Variants in KIF16B observed in about 807,000 individuals in gnomAD.
KIF16B encodes kinesin-like protein KIF16B.
In KIF16B, 98 loss-of-function variants were observed where a neutral mutation model predicts 156.3. That is an observed-to-expected ratio of 0.63 (90% confidence interval 0.53 to 0.74). The LOEUF (loss-of-function observed/expected upper bound fraction) is 0.74, where lower values mean the gene tolerates loss of function less well. Among genes scored for constraint, KIF16B ranks in the 30% least tolerant of loss-of-function variants. KIF16B has a pLI of 0.00. For missense variants in KIF16B, 1,421 were observed against 1,606.5 expected (o/e 0.88, Z 1.97); for synonymous variants, 564 against 583.7 (o/e 0.97, Z 0.49).
chr20:16,479,056 G>T (rs952626738), intron 12 of KIF16B, among the ~76,000 whole-genome samples: 2 of 152,102 alleles, frequency 1.3e-5, no homozygotes, highest in African/African-American at 4.8e-5. Flanking sequence ...CGAGTACAAT[G>T]AATAAACTAT....
At chr20:16,381,823 T>C in intron 17 of KIF16B, 76 bp from the exon 18 acceptor site, 2 of 1,192,894 alleles carry the variant, frequency 1.7e-6, no homozygotes, top group Non-Finnish European at 2.4e-6. Flanking sequence ...GTATACAGAG[T>C]CACATATTAA....
rs1367560005 is a variant in KIF16B at position 16,353,270 on chromosome 20, C to T, written c.3621+3060G>A. Among the ~76,000 whole-genome samples, 7 of 152,068 alleles carry T rather than the reference C, an allele frequency of 4.6e-5. No individual in the cohort carries two copies. The South Asian group carries it at 8.3e-4, about 18-fold the overall frequency. On this transcript the variant is annotated intron_variant, in intron 23 of 25. Transcript: ENST00000354981. ...AAGCATGACTATTTGTTCTAGAAAA[C>T]AGGGCCTACGCATGAAATGTCCAAA...
At chr20:16,314,044 A>G (rs2063660721) in intron 24 of KIF16B, among the ~76,000 whole-genome samples, 1 of 152,144 alleles carries the variant, frequency 6.6e-6, no homozygotes, top group South Asian at 2.1e-4. Context: ...AGTAACTGAC[A>G]CTCCTATCAG....
chr20:16,362,563 T>TA (rs1015544380), intron 22 of KIF16B, among the ~76,000 whole-genome samples: 1 of 152,154 alleles, frequency 6.6e-6, no homozygotes, highest in Non-Finnish European at 1.5e-5. Context: ...GTCATTCCTA[T>TA]AAAAAAATCA....
chr20:16,533,780 G>A (rs1405239013), intron 1 of KIF16B, among the ~76,000 whole-genome samples: 1 of 152,024 alleles, frequency 6.6e-6, no homozygotes, highest in Non-Finnish European at 1.5e-5. Context: ...TTCCCAGACT[G>A]TGTTTCTCAA....
chr20:16,434,544 T>C (rs945479429), intron 12 of KIF16B, among the ~76,000 whole-genome samples: 1 of 152,176 alleles, frequency 6.6e-6, no homozygotes, highest in African/African-American at 2.4e-5. Flanking sequence ...GGGATCTAGA[T>C]TGTACTTGGA....
intron 3 of KIF16B, 124 bp downstream of exon 3, chr20:16,525,968 C>T (rs1007653371): frequency 2.5e-5 from 14 of 549,888 alleles, no homozygotes; most frequent in Admixed American, 6.6e-5. Flanking sequence ...TTAGCAAAGG[C>T]TAATTTTATA....
At chr20:16,420,179 C>A (rs2066190674) in intron 15 of KIF16B, among the ~76,000 whole-genome samples, 1 of 152,144 alleles carries the variant, frequency 6.6e-6, no homozygotes, top group Admixed American at 6.5e-5. Flanking sequence ...ACAATTAATG[C>A]TCACAGTAGC....
chr20:16,407,535 C>A (rs1255949720), intron 15 of KIF16B, among the ~76,000 whole-genome samples: 1 of 152,096 alleles, frequency 6.6e-6, no homozygotes, highest in Non-Finnish European at 1.5e-5. Context: ...TAAGTTGGGT[C>A]TCACCGGATA....
rs138885483 is a variant in KIF16B, at chr20:16,562,892, T to C, written c.47+10337A>G. On this transcript the variant is annotated intron_variant, in intron 1 of 25. Coordinates refer to ENST00000354981, the MANE Select transcript of KIF16B (RefSeq NM_024704.5). ...AGACGGATCTAATGATGTTCACCCC[T>C]GTAGAACTGTTGTGAAGAAGTGAAT... 4.4e-3 allele frequency among the ~76,000 whole-genome samples: 669 copies of C among 152,292 alleles called. 1 individual carries two copies. Among genetic ancestry groups the C allele is most frequent in the African/African-American group, 0.014 (587 of 41,552 alleles).
At chr20:16,439,516 T>G (rs950287592) in intron 12 of KIF16B, among the ~76,000 whole-genome samples, 2 of 152,262 alleles carry the variant, frequency 1.3e-5, no homozygotes, top group African/African-American at 4.8e-5. Flanking sequence ...CTTCTCCGTG[T>G]GCTGTTTAGT....
rs569401491 is a variant in KIF16B at position 16,484,522 on chromosome 20, T to C, written c.1302+9769A>G. Among the ~76,000 whole-genome samples the C allele has an allele frequency of 5.9e-5, 9 of 152,346 alleles. No individual in the cohort carries two copies. The East Asian group carries it at 1.7e-3, about 29-fold the overall frequency. On this transcript the variant is annotated intron_variant, in intron 12 of 25. Transcript: ENST00000354981. ...CAGAAATTAGCAGCCAGAGTCTAAC[T>C]TTAATGAGAGGTTGACAAATTAACA...
chr20:16,356,562 C>T (rs980240101), intron 22 of KIF16B, 110 bp from the exon 23 acceptor site: 4 of 1,196,048 alleles, frequency 3.3e-6, no homozygotes, highest in Non-Finnish European at 4.7e-6. Context: ...GAGAAAAGAG[C>T]ATCAAACCAG....
intron 19 of KIF16B, among the ~76,000 whole-genome samples, chr20:16,375,723 T>C (rs1430132572): frequency 6.7e-6 from 1 of 150,016 alleles, no homozygotes; most frequent in Non-Finnish European, 1.5e-5. Flanking sequence ...AGGCAGGCAA[T>C]TAGCAATGTT....
rs148921357 is a variant in KIF16B, at chr20:16,273,208, C to T, written c.*45G>A. ...AGCTGCCCTGCATCGGAGCCCGCTTCGACGAGAAGGCACTGCTGTGGTGGT... is the reference window on the plus strand; with the variant it reads ...AGCTGCCCTGCATCGGAGCCCGCTTTGACGAGAAGGCACTGCTGTGGTGGT... On this transcript the variant is annotated 3_prime_UTR_variant, in exon 26 of 26. Transcript: ENST00000354981. 616 of 1,572,426 alleles carry T rather than the reference C, an allele frequency of 3.9e-4. 4 individuals carry two copies. The East Asian group carries it at 8.9e-3, about 23-fold the overall frequency.
intron 1 of KIF16B, among the ~76,000 whole-genome samples, chr20:16,530,345 G>T (rs1202816310): frequency 6.6e-6 from 1 of 152,136 alleles, no homozygotes; most frequent in Non-Finnish European, 1.5e-5. Context: ...CCCAAGTGAT[G>T]GTCTGTCACT....
At position 16,497,616 on chromosome 20, in the gene KIF16B, T is replaced by C; in HGVS notation, c.1239A>G (p.Ala413=). The part of the protein sequence containing the change: ...SMEEKLQQNE[A]RVQELTKEWT... Reference sequence around the variant, plus strand: ...TATAAGTCAAAGTATCACTTACTCTTGCTTCATTCTGCTGAAGTTTTTCCT... The same window carrying C: ...TATAAGTCAAAGTATCACTTACTCTCGCTTCATTCTGCTGAAGTTTTTCCT... Residue 413 remains alanine, a synonymous_variant, in exon 11 of 26, where the codon GCA becomes GCG. Coordinates refer to ENST00000354981, the MANE Select transcript of KIF16B (RefSeq NM_024704.5). 6.2e-7 allele frequency: 1 copy of C among 1,607,100 alleles called. No homozygotes were observed. Among genetic ancestry groups the C allele is most frequent in the Non-Finnish European group, 8.5e-7 (1 of 1,173,928 alleles).
intron 7 of KIF16B, 94 bp downstream of exon 7, chr20:16,507,864 G>A (rs1170458012): frequency 9.7e-6 from 13 of 1,338,362 alleles, no homozygotes; most frequent in Non-Finnish European, 1.1e-5. Flanking sequence ...ACCTGCTGCT[G>A]CTCCTGGTTC....
chr20:16,536,351 T>TG (rs938513242), intron 1 of KIF16B, among the ~76,000 whole-genome samples: 1 of 149,862 alleles, frequency 6.7e-6, no homozygotes, highest in African/African-American at 2.5e-5. Flanking sequence ...TGTACGGGGG[T>TG]GGGGGGAGTG....
Sources: gnomAD v4.1 joint callset for allele counts (sites outside exome capture counted in the v4.1 genomes callset) on GRCh38, gnomAD v4.1.1 for gene constraint, MANE v1.5 for transcripts, NCBI Gene and HGNC (gene_info 2026-07-23, HGNC 2026-07-21) for gene names.